The following CPLANE1 variants were observed in gnomAD, a reference collection of about 807,000 sequenced individuals.
The protein encoded by CPLANE1 is ciliogenesis and planar polarity effector 1.
Under a neutral mutation model 362.5 loss-of-function variants are expected in CPLANE1, and 263 were observed. The observed-to-expected ratio is 0.73, with a 90% CI of 0.66 to 0.80. The LOEUF is 0.80. Among genes scored for constraint, CPLANE1 ranks in the 30% least tolerant of loss-of-function variants. The pLI is 0.00. For missense variants in CPLANE1, 3,461 were observed against 3,793.4 expected, an observed-to-expected ratio of 0.91 and a Z score of 2.30; for synonymous variants, 1,212 against 1,302.6, an observed-to-expected ratio of 0.93 and a Z score of 1.50.
At chr5:37,207,574 G>C (rs906135102) in intron 16 of CPLANE1, among the ~76,000 whole-genome samples, 5 of 152,148 alleles carry the variant, frequency 3.3e-5, no homozygotes, top group Non-Finnish European at 7.4e-5. Context: ...GAAACATTCT[G>C]ATTAGAAAAA....
chr5:37,151,272 GATGAATACCA>G (rs1284917396), intron 42 of CPLANE1, among the ~76,000 whole-genome samples: 1 of 152,070 alleles, frequency 6.6e-6, no homozygotes, highest in Non-Finnish European at 1.5e-5. Context: ...TTAATTAACT[GATGAATACCA>G]ATTCATTACC....
chr5:37,120,084 T>C (rs1452431775), intron 50 of CPLANE1, 132 bp downstream of exon 50: 1 of 858,310 alleles, frequency 1.2e-6, no homozygotes, highest in Middle Eastern at 2.3e-4. Flanking sequence ...TCTTTATCAA[T>C]GCCTCGCCTT....
chr5:37,144,472 C>G (rs2098713), intron 43 of CPLANE1, among the ~76,000 whole-genome samples: 3 of 150,586 alleles, frequency 2.0e-5, no homozygotes, highest in Non-Finnish European at 4.4e-5. Flanking sequence ...AGAGAAAATA[C>G]CAGAGAGCAT....
chr5:37,098,390 C>CAAAAAA, the CPLANE1 span, among the ~76,000 whole-genome samples: 2 of 37,624 alleles, frequency 5.3e-5, no homozygotes, highest in African/African-American at 1.8e-4. Flanking sequence ...AACTCCGTCT[C>CAAAAAA]AAAAAAAAAA....
At chr5:37,224,505 G>A in intron 13 of CPLANE1, 27 bp downstream of exon 13, 5 of 1,457,422 alleles carry the variant, frequency 3.4e-6, no homozygotes, top group Non-Finnish European at 4.7e-6. Context: ...TATTCATGGA[G>A]TTAGAAAATA....
chr5:37,181,343 A>C (rs539287198), intron 26 of CPLANE1, among the ~76,000 whole-genome samples: 1 of 152,338 alleles, frequency 6.6e-6, no homozygotes, highest in South Asian at 2.1e-4. Context: ...AAAGACATTC[A>C]GTAGTTATTT....
At chr5:37,210,013 A>C (rs980252632) in intron 16 of CPLANE1, 3 of 857,206 alleles carry the variant, frequency 3.5e-6, no homozygotes, top group Non-Finnish European at 5.9e-6. Context: ...GAAATATGTC[A>C]AAAGTTGAAG....
chr5:37,098,627 G>C, the CPLANE1 span, among the ~76,000 whole-genome samples: 1 of 151,870 alleles, frequency 6.6e-6, no homozygotes, highest in Non-Finnish European at 1.5e-5. Context: ...TAGGCCATAT[G>C]TTAGGCCACA....
At chr5:37,199,486 T>G (rs1788534688) in intron 19 of CPLANE1, among the ~76,000 whole-genome samples, 1 of 152,184 alleles carries the variant, frequency 6.6e-6, no homozygotes, top group African/African-American at 2.4e-5. Context: ...CTTTCACCAA[T>G]TTATTCCATA....
chr5:37,152,969 C>G (rs1406934035), intron 42 of CPLANE1, among the ~76,000 whole-genome samples: 2 of 152,000 alleles, frequency 1.3e-5, no homozygotes, highest in African/African-American at 2.4e-5. Context: ...TTAAAAGAAA[C>G]TGACAAAAAC....
At chr5:37,085,861 C>A in the CPLANE1 span, 1 of 1,089,934 alleles carries the variant, frequency 9.2e-7, no homozygotes, top group Non-Finnish European at 1.4e-6. Context: ...GAAATGGTCC[C>A]TGGGTGACGT....
chr5:37,076,993 C>A, the CPLANE1 span, among the ~76,000 whole-genome samples: 1 of 151,288 alleles, frequency 6.6e-6, no homozygotes, highest in Non-Finnish European at 1.5e-5. Context: ...GCTTTGCAGG[C>A]CGTAAGGTCT....
intron 44 of CPLANE1, chr5:37,141,028 C>G: frequency 1.0e-6 from 1 of 985,392 alleles, no homozygotes; most frequent in Non-Finnish European, 1.2e-6. Context: ...TAAACAACCA[C>G]GTTCCCCCTC....
rs975367828 is a variant in CPLANE1, at chr5:37,209,074, A to T, written c.2921-2649T>A. 6.6e-6 allele frequency among the ~76,000 whole-genome samples: 1 copy of T among 152,224 alleles called. No homozygotes were observed. Among genetic ancestry groups the T allele is most frequent in the South Asian group, 2.1e-4 (1 of 4,836 alleles). On this transcript the variant is annotated intron_variant, in intron 16 of 52. Transcript: ENST00000651892. This position sits in a 1 kb window ranked among gnomAD's most constrained non-coding sequence, Gnocchi z 4.6. ...TCCTGCCTTGCCGCCTTCTGTCCCT[A>T]GTCTCCGGGTCCCCGCCCTCCAGCC...
At chr5:37,191,654 G>A (rs1039474354) in intron 21 of CPLANE1, among the ~76,000 whole-genome samples, 12 of 152,156 alleles carry the variant, frequency 7.9e-5, no homozygotes, top group Non-Finnish European at 1.6e-4. Context: ...CTGGGCAACA[G>A]AGACCCCATC....
At chr5:37,098,390 C>CAAAAAAA in the CPLANE1 span, among the ~76,000 whole-genome samples, 1 of 37,622 alleles carries the variant, frequency 2.7e-5, no homozygotes, top group African/African-American at 8.9e-5. Flanking sequence ...AACTCCGTCT[C>CAAAAAAA]AAAAAAAAAA....
At position 37,177,611 on chromosome 5, in the gene CPLANE1, T is replaced by TC; in HGVS notation, c.5900+9dup. The TC allele has an allele frequency of 3.7e-6, 6 of 1,606,336 alleles. No individual in the cohort carries two copies. The highest frequency in any genetic ancestry group is 5.1e-6 in the Non-Finnish European group (6 of 1,173,988). On this transcript the variant is annotated intron_variant, in intron 30 of 52. Coordinates refer to ENST00000651892, the MANE Select transcript of CPLANE1 (RefSeq NM_001384732.1). The stretch of plus-strand genomic sequence containing the variant: ...AGTGACAATCACTGTCATACTTTTT[T>TC]CCCCCTTACCCTTTTTGTTCAGTCG...
intron 1 of CPLANE1, among the ~76,000 whole-genome samples, chr5:37,248,529 CA>C (rs1292674590): frequency 6.6e-6 from 1 of 151,646 alleles, no homozygotes; most frequent in Non-Finnish European, 1.5e-5. Flanking sequence ...TGCTAGCTAT[CA>C]GTCAGCACGG....
At position 37,213,555 on chromosome 5, in the gene CPLANE1, T is replaced by C; in HGVS notation, c.2920+4A>G. 1 of 1,528,186 alleles carries C rather than the reference T, an allele frequency of 6.5e-7. No homozygotes were observed. Among genetic ancestry groups the C allele is most frequent in the Non-Finnish European group, 8.8e-7 (1 of 1,132,688 alleles). The allele number at this position is 1,528,186 out of a possible 1,614,324, so 94.7% of individuals were successfully genotyped here. On this transcript the variant is annotated splice_donor_region_variant and intron_variant, in intron 16 of 52. Coordinates refer to ENST00000651892, the MANE Select transcript of CPLANE1 (RefSeq NM_001384732.1). ...GTTTAAAAAGGATTTGTTTACTACA[T>C]TACCTGTTTTAATATGAAGTGGGGG... is the stretch of plus-strand genomic sequence containing the variant.
Sources: gnomAD v4.1 joint callset for allele counts (sites outside exome capture counted in the v4.1 genomes callset) on GRCh38, gnomAD v4.1.1 for gene constraint, Gnocchi (gnomAD v3.1) non-coding constraint, MANE v1.5 for transcripts, NCBI Gene and HGNC (gene_info 2026-07-23, HGNC 2026-07-21) for gene names.